KIF16B: variants seen among roughly 807,000 people sequenced by gnomAD.
KIF16B encodes the protein kinesin family member 16B.
In KIF16B, 98 loss-of-function variants were observed where a neutral mutation model predicts 156.3. The observed-to-expected ratio is 0.63, with a 90% CI of 0.53 to 0.74. KIF16B has a LOEUF of 0.74. Ranked by LOEUF, KIF16B falls within the 30% of genes least tolerant of loss-of-function variation. The pLI is 0.00. For missense variants in KIF16B, 1,421 were observed against 1,606.5 expected, an observed-to-expected ratio of 0.88 and a Z score of 1.97; for synonymous variants, 564 against 583.7, an observed-to-expected ratio of 0.97 and a Z score of 0.49.
At chr20:16,496,368 A>G (rs949752142) in intron 11 of KIF16B, among the ~76,000 whole-genome samples, 3 of 152,272 alleles carry the variant, frequency 2.0e-5, no homozygotes, top group Non-Finnish European at 2.9e-5. Context: ...AAGCAATTCT[A>G]GCTTAGAAAA....
rs753476721 is a variant in KIF16B, at chr20:16,379,531, C to T, written c.2471G>A (p.Arg824His). 14 of 1,614,032 alleles carry T rather than the reference C, an allele frequency of 8.7e-6. No individual in the cohort carries two copies. Among genetic ancestry groups the T allele is most frequent in the Admixed American group, 5.0e-5 (3 of 60,010 alleles). Residue 824 changes from arginine to histidine, a missense_variant, in exon 19 of 26, where the codon CGT (arginine) becomes CAT (histidine). Coordinates refer to ENST00000354981, the MANE Select transcript of KIF16B (RefSeq NM_024704.5). ...DGEELEKAQL[R>H]FFEFKRRQLV... The stretch of plus-strand genomic sequence containing the variant: ...CTGCCTTCTCTTGAATTCGAAGAAA[C>T]GCAGTTGAGCCTTTTCTAACTCCTC...
chr20:16,369,202 G>T (rs1160651041), intron 22 of KIF16B: 1 of 985,672 alleles, frequency 1.0e-6, no homozygotes, highest in African/African-American at 1.7e-5. Context: ...AATGAGGCTG[G>T]AAGTGTCAGT....
chr20:16,503,739 C>T lies in KIF16B; in HGVS notation c.1176+633G>A, dbSNP rs554505141. Among the ~76,000 whole-genome samples, 17 of 152,256 alleles carry T rather than the reference C, an allele frequency of 1.1e-4. No homozygotes were observed. The East Asian group carries it at 1.7e-3, about 16-fold the overall frequency. ...AGAACTTTACTTCCACCAATCATCA[C>T]GGAATGTAACTCTGTACATACACCA... On this transcript the variant is annotated intron_variant, in intron 10 of 25. Transcript: ENST00000354981.
chr20:16,412,902 T>C (rs1206507141), intron 15 of KIF16B, among the ~76,000 whole-genome samples: 1 of 151,938 alleles, frequency 6.6e-6, no homozygotes, highest in Admixed American at 6.6e-5. Flanking sequence ...ATAAAAGAAC[T>C]AATGAATGAG....
At chr20:16,328,810 T>A (rs1181724069) in intron 24 of KIF16B, among the ~76,000 whole-genome samples, 2 of 152,112 alleles carry the variant, frequency 1.3e-5, no homozygotes, top group Non-Finnish European at 2.9e-5. Context: ...TGTTCTCACA[T>A]GGCAGGAGGT....
chr20:16,284,633 A>T (rs2063196170), intron 25 of KIF16B, among the ~76,000 whole-genome samples: 1 of 152,292 alleles, frequency 6.6e-6, no homozygotes, highest in South Asian at 2.1e-4. Flanking sequence ...CCCTTTCGCC[A>T]TGTCGTGTAG....
chr20:16,448,773 G>A (rs2067001640), intron 12 of KIF16B, among the ~76,000 whole-genome samples: 2 of 152,096 alleles, frequency 1.3e-5, no homozygotes, highest in Admixed American at 1.3e-4. Flanking sequence ...AAAGGGAACA[G>A]CATATTCAAG....
intron 12 of KIF16B, among the ~76,000 whole-genome samples, chr20:16,460,898 C>T (rs947975694): frequency 1.2e-4 from 18 of 151,902 alleles, no homozygotes; most frequent in African/African-American, 4.1e-4. Context: ...AACAAATATC[C>T]TCCTACATAC....
intron 25 of KIF16B, among the ~76,000 whole-genome samples, chr20:16,276,194 T>C (rs1192186567): frequency 6.6e-6 from 1 of 152,232 alleles, no homozygotes; most frequent in Non-Finnish European, 1.5e-5. Flanking sequence ...GCAGATGTTA[T>C]ATCAGCATTT....
intron 12 of KIF16B, among the ~76,000 whole-genome samples, chr20:16,486,558 G>A (rs981791384): frequency 6.6e-6 from 1 of 152,076 alleles, no homozygotes; most frequent in African/African-American, 2.4e-5. Context: ...ACCTACACAT[G>A]GACTGCACTA....
chr20:16,307,899 C>A (rs985394522), intron 25 of KIF16B, among the ~76,000 whole-genome samples: 3 of 151,892 alleles, frequency 2.0e-5, no homozygotes, highest in Non-Finnish European at 4.4e-5. Flanking sequence ...AATTTGATAT[C>A]CATTTGGATA....
chr20:16,355,592 G>T (rs987553433), intron 23 of KIF16B, among the ~76,000 whole-genome samples: 49 of 152,282 alleles, frequency 3.2e-4, no homozygotes, highest in African/African-American at 1.2e-3. Context: ...GATCCTTGAA[G>T]AAAAAGAAGT....
intron 3 of KIF16B, among the ~76,000 whole-genome samples, chr20:16,518,176 C>T (rs180912746): frequency 6.6e-5 from 10 of 152,236 alleles, no homozygotes; most frequent in Admixed American, 1.3e-4. Flanking sequence ...AATAACCCAC[C>T]CAAACTTGGC....
chr20:16,555,901 C>T (rs2070830521), intron 1 of KIF16B, among the ~76,000 whole-genome samples: 1 of 152,190 alleles, frequency 6.6e-6, no homozygotes, highest in Non-Finnish European at 1.5e-5. Context: ...TTTCTACTGA[C>T]TCATTAATTC....
chr20:16,369,409 T>C (rs375625093), intron 22 of KIF16B: 13 of 394,632 alleles, frequency 3.3e-5, no homozygotes, highest in African/African-American at 2.8e-4. Context: ...TTTGTATTGA[T>C]ACATGATTAA....
chr20:16,460,068 C>T (rs1194204774), intron 12 of KIF16B, among the ~76,000 whole-genome samples: 2 of 152,198 alleles, frequency 1.3e-5, no homozygotes, highest in Non-Finnish European at 2.9e-5. Flanking sequence ...AAATTGTTTT[C>T]ACCAGGAACC....
chr20:16,293,113 AAAC>A (rs943698897), intron 25 of KIF16B, among the ~76,000 whole-genome samples: 29 of 152,222 alleles, frequency 1.9e-4, no homozygotes, highest in African/African-American at 6.0e-4. Flanking sequence ...ACAACAGGAA[AAAC>A]AACAACAACA....
At chr20:16,494,460 T>G in intron 11 of KIF16B, 110 bp from the exon 12 acceptor site, 3 of 651,176 alleles carry the variant, frequency 4.6e-6, no homozygotes, top group Non-Finnish European at 7.7e-6. Context: ...ATTTTTTAAA[T>G]GAGATCGCGA....
intron 25 of KIF16B, among the ~76,000 whole-genome samples, chr20:16,286,960 T>C (rs1364893774): frequency 7.9e-5 from 12 of 152,324 alleles, no homozygotes; most frequent in Non-Finnish European, 8.8e-5. Context: ...GGAGTCATGA[T>C]CAAAATGCAG....
Sources: gnomAD v4.1 joint callset for allele counts (sites outside exome capture counted in the v4.1 genomes callset) on GRCh38, gnomAD v4.1.1 for gene constraint, MANE v1.5 for transcripts, NCBI Gene and HGNC (gene_info 2026-07-23, HGNC 2026-07-21) for gene names.